The following CSMD1 variants were observed in gnomAD, a reference collection of about 807,000 sequenced individuals.
The protein encoded by CSMD1 is CUB and sushi domain-containing protein 1.
In CSMD1, 213 loss-of-function variants were observed where a neutral mutation model predicts 417.5. The observed-to-expected ratio is 0.51, with a 90% confidence interval of 0.46 to 0.57. The LOEUF is 0.57. Ranked by LOEUF, CSMD1 falls within the 20% of genes least tolerant of loss-of-function variation. The pLI, the probability that CSMD1 is intolerant of heterozygous loss-of-function variation, is 0.00. For synonymous variants in CSMD1, 2,862 were observed against 1,736.8 expected, an observed-to-expected ratio of 1.65 and a Z score of -16.11; for missense variants, 6,923 against 4,529.7, an observed-to-expected ratio of 1.53 and a Z score of -15.17.
intron 3 of CSMD1, among the ~76,000 whole-genome samples, chr8:4,078,939 A>G (rs1237696945): frequency 1.3e-3 from 25 of 19,778 alleles, no homozygotes; most frequent in South Asian, 2.5e-3. Flanking sequence ...ATATATATAT[A>G]TATGTATGTT....
At chr8:2,999,721 C>A (rs760970897) in intron 53 of CSMD1, among the ~76,000 whole-genome samples, 1 of 151,732 alleles carries the variant, frequency 6.6e-6, no homozygotes, top group Admixed American at 6.6e-5. Context: ...AATTGATAAG[C>A]AAATTAAATG....
At chr8:3,638,522 G>A (rs1045290997) in intron 7 of CSMD1, among the ~76,000 whole-genome samples, 2 of 152,086 alleles carry the variant, frequency 1.3e-5, no homozygotes, top group African/African-American at 2.4e-5. Context: ...AATATATTTG[G>A]TAATTCAGGA....
At chr8:3,687,803 A>C (rs965918342) in intron 7 of CSMD1, among the ~76,000 whole-genome samples, 1 of 152,282 alleles carries the variant, frequency 6.6e-6, no homozygotes, top group Non-Finnish European at 1.5e-5. Flanking sequence ...TGCTCCACTT[A>C]AGTCTCTCTC....
chr8:3,817,500 C>A (rs1387608330), intron 5 of CSMD1, among the ~76,000 whole-genome samples: 1 of 151,738 alleles, frequency 6.6e-6, no homozygotes, highest in Non-Finnish European at 1.5e-5. Context: ...AGGATGGTCT[C>A]AATCTCCTGA....
In CSMD1 at chr8:3,104,741, T is replaced by G. The variant is rs143957665; in HGVS notation, c.6949+1787A>C. Among the ~76,000 whole-genome samples the G allele has an allele frequency of 7.6e-3, 1,136 of 148,950 alleles. 15 individuals carry two copies. The highest frequency in any genetic ancestry group is 0.026 in the African/African-American group (1,061 of 40,278). ...TTTTTTTTTTGAGACAGAGTTTTGC[T>G]GTGTCTCCCAGGCTGGAGAGCAATG... On this transcript the variant is annotated intron_variant, in intron 46 of 69. Coordinates refer to ENST00000635120, the MANE Select transcript of CSMD1 (RefSeq NM_033225.6).
rs80268630 is a variant in CSMD1 at position 4,363,286 on chromosome 8, T to A, written c.415+56667A>T. 7.7e-3 allele frequency among the ~76,000 whole-genome samples: 1,178 copies of A among 152,258 alleles called. 25 individuals are homozygous for A. Among genetic ancestry groups the A allele is most frequent in the South Asian group, 0.069 (334 of 4,824 alleles). On this transcript the variant is annotated intron_variant, in intron 3 of 69. Transcript: ENST00000635120. ...ACCCCTTAAAGGAGCCTTTTCAAAGTTTTTCCCTCCTGCCCGTCATGAAAT... is the reference window on the plus strand; with the variant it reads ...ACCCCTTAAAGGAGCCTTTTCAAAGATTTTCCCTCCTGCCCGTCATGAAAT...
At chr8:4,678,220 G>C (rs921614684) in intron 1 of CSMD1, among the ~76,000 whole-genome samples, 2 of 151,638 alleles carry the variant, frequency 1.3e-5, no homozygotes, top group African/African-American at 4.8e-5. Flanking sequence ...AGGTCAGCCT[G>C]GCCAACCTGG....
intron 26 of CSMD1, among the ~76,000 whole-genome samples, chr8:3,244,876 C>G (rs978624475): frequency 6.6e-6 from 1 of 152,136 alleles, no homozygotes; most frequent in African/African-American, 2.4e-5. Flanking sequence ...ATTTTTAGGA[C>G]CTGACTCTCA....
intron 12 of CSMD1, among the ~76,000 whole-genome samples, chr8:3,450,193 A>G (rs913193053): frequency 3.3e-5 from 5 of 152,196 alleles, no homozygotes; most frequent in Non-Finnish European, 5.9e-5. Flanking sequence ...CCAGCCTCTG[A>G]TAAGATGGGC....
At chr8:4,163,218 C>T (rs374772588) in intron 3 of CSMD1, among the ~76,000 whole-genome samples, 8 of 152,156 alleles carry the variant, frequency 5.3e-5, no homozygotes, top group Admixed American at 1.3e-4. Flanking sequence ...TTTCAGTACA[C>T]GTAAGTTTTT....
chr8:4,784,856 A>T (rs191176339), intron 1 of CSMD1, among the ~76,000 whole-genome samples: 87 of 152,310 alleles, frequency 5.7e-4, no homozygotes, highest in African/African-American at 2.0e-3. Flanking sequence ...ATTCCATTAA[A>T]ACTAAATTTG....
intron 1 of CSMD1, among the ~76,000 whole-genome samples, chr8:4,644,468 G>A (rs986576885): frequency 5.9e-5 from 9 of 152,100 alleles, no homozygotes; most frequent in African/African-American, 1.2e-4. Flanking sequence ...GTGCAGCGGC[G>A]CTATCTTAGC....
chr8:3,469,825 C>A (rs1266527708), intron 11 of CSMD1, among the ~76,000 whole-genome samples: 2 of 152,146 alleles, frequency 1.3e-5, no homozygotes, highest in South Asian at 4.1e-4. Context: ...ATGTTACACA[C>A]AAATTGAAAA....
At chr8:3,700,001 T>C (rs939694419) in intron 7 of CSMD1, among the ~76,000 whole-genome samples, 10 of 152,148 alleles carry the variant, frequency 6.6e-5, no homozygotes, top group Non-Finnish European at 1.3e-4. Context: ...TGAGCATCTG[T>C]TGTGTTCCTG....
At chr8:4,023,619 C>T (rs1282192110) in intron 4 of CSMD1, among the ~76,000 whole-genome samples, 1 of 148,158 alleles carries the variant, frequency 6.7e-6, no homozygotes, top group Non-Finnish European at 1.5e-5. Context: ...CGGAGTCTCG[C>T]TCTGTCGCCC....
chr8:4,151,905 C>G (rs1796589780), intron 3 of CSMD1, among the ~76,000 whole-genome samples: 1 of 152,006 alleles, frequency 6.6e-6, no homozygotes, highest in African/African-American at 2.4e-5. Flanking sequence ...CAGAGAAGTC[C>G]ATTTGTCTAT....
intron 7 of CSMD1, among the ~76,000 whole-genome samples, chr8:3,634,407 G>C (rs1185724620): frequency 6.6e-6 from 1 of 152,196 alleles, no homozygotes; most frequent in South Asian, 2.1e-4. Context: ...TCTGTGGTCT[G>C]CAATCCTCTG....
chr8:4,662,495 T>C (rs1447829713), intron 1 of CSMD1, among the ~76,000 whole-genome samples: 2 of 152,200 alleles, frequency 1.3e-5, no homozygotes, highest in East Asian at 3.8e-4. Flanking sequence ...AGACTGGTGC[T>C]TTCTGGTGGT....
intron 1 of CSMD1, among the ~76,000 whole-genome samples, chr8:4,860,786 A>G (rs1277434495): frequency 6.6e-6 from 1 of 152,142 alleles, no homozygotes; most frequent in African/African-American, 2.4e-5. Flanking sequence ...ATCCCTGATA[A>G]TACCAAATTG....
Sources: gnomAD v4.1 joint callset for allele counts (sites outside exome capture counted in the v4.1 genomes callset) on GRCh38, gnomAD v4.1.1 for gene constraint, MANE v1.5 for transcripts, NCBI Gene and HGNC (gene_info 2026-07-23, HGNC 2026-07-21) for gene names.